The following DNAH6 variants were observed in gnomAD, a reference collection of about 807,000 sequenced individuals.
DNAH6 encodes the protein dynein axonemal heavy chain 6, also known as axonemal beta dynein heavy chain 6.
Under a neutral mutation model 491.4 loss-of-function variants are expected in DNAH6, and 340 were observed. The observed-to-expected ratio is 0.69, with a 90% CI of 0.63 to 0.76. DNAH6 has a LOEUF of 0.76. Ranked by LOEUF, DNAH6 falls within the 30% of genes least tolerant of loss-of-function variation. The pLI, the probability that DNAH6 is intolerant of heterozygous loss-of-function variation, is 0.00. For synonymous variants in DNAH6, 1,603 were observed against 1,686.1 expected (o/e 0.95, Z 1.21); for missense variants, 4,443 against 4,972.2 (o/e 0.89, Z 3.20).
At chr2:84,508,999 A>G in the DNAH6 span, among the ~76,000 whole-genome samples, 1 of 152,270 alleles carries the variant, frequency 6.6e-6, no homozygotes, top group South Asian at 2.1e-4. Context: ...TATGTGGTCA[A>G]TTTTGGAATA....
At chr2:84,713,302 C>A (rs757445851) in intron 57 of DNAH6, 43 bp downstream of exon 57, 64 of 1,532,034 alleles carry the variant, frequency 4.2e-5, no homozygotes, top group Middle Eastern at 3.4e-4. Context: ...ACTGGATTAT[C>A]ATGGTGTAAT....
chr2:84,483,542 A>T, the DNAH6 span, among the ~76,000 whole-genome samples: 2 of 152,092 alleles, frequency 1.3e-5, no homozygotes, highest in Non-Finnish European at 2.9e-5. Flanking sequence ...ATGGTGGGTT[A>T]TGTGCTCTCT....
In DNAH6 at chr2:84,779,781, AT is replaced by A. The variant is rs370672438; in HGVS notation, c.10704-1709del. On this transcript the variant is annotated intron_variant, in intron 64 of 76. Coordinates refer to ENST00000389394, the MANE Select transcript of DNAH6 (RefSeq NM_001370.2). ...TTGTGGTAGCAGGTATCACTCCTTC[AT>A]TTCCGTGTTTAGAGCTCTTTTATGA... is the stretch of plus-strand genomic sequence containing the variant. 1.1e-4 allele frequency among the ~76,000 whole-genome samples: 16 copies of A among 151,822 alleles called. 1 individual carries two copies. The highest frequency in any genetic ancestry group is 3.9e-4 in the African/African-American group (16 of 41,402).
At chr2:84,556,127 G>T (rs779635994) in intron 10 of DNAH6, among the ~76,000 whole-genome samples, 1 of 152,148 alleles carries the variant, frequency 6.6e-6, no homozygotes, top group Non-Finnish European at 1.5e-5. Flanking sequence ...GGAGAAAGGG[G>T]GTTGTGATAT....
chr2:84,533,609 T>G (rs999365632), intron 4 of DNAH6, among the ~76,000 whole-genome samples: 18 of 152,130 alleles, frequency 1.2e-4, no homozygotes, highest in Admixed American at 6.6e-5. Flanking sequence ...GGAAAATAAT[T>G]GATCATGTAT....
chr2:84,503,372 A>T, the DNAH6 span, among the ~76,000 whole-genome samples: 8 of 152,016 alleles, frequency 5.3e-5, no homozygotes, highest in Non-Finnish European at 1.0e-4. Context: ...TGCAGTTACT[A>T]TTTTTGTTAT....
chr2:84,641,631 G>A (rs11686736), intron 32 of DNAH6, among the ~76,000 whole-genome samples: 10,773 of 152,226 alleles, frequency 0.071, 419 homozygotes, highest in Middle Eastern at 0.15. Context: ...AGATATTCTG[G>A]GCAGGGAGAA....
chr2:84,466,084 C>G, the DNAH6 span, among the ~76,000 whole-genome samples: 1 of 152,184 alleles, frequency 6.6e-6, no homozygotes, highest in Non-Finnish European at 1.5e-5. Flanking sequence ...GTAAATTTCT[C>G]TCCTTTTGAG....
At chr2:84,706,854 T>C in intron 52 of DNAH6, 42 bp from the exon 53 acceptor site, 1 of 1,504,870 alleles carries the variant, frequency 6.6e-7, no homozygotes, top group Non-Finnish European at 8.8e-7. Flanking sequence ...AAATTCAGCC[T>C]TTTTTTGGCC....
intron 61 of DNAH6, among the ~76,000 whole-genome samples, chr2:84,730,071 G>T (rs1698998149): frequency 6.6e-6 from 1 of 151,908 alleles, no homozygotes; most frequent in Admixed American, 6.6e-5. Flanking sequence ...TCCAGGATGG[G>T]AGGAGAGAGA....
chr2:84,511,338 G>A, the DNAH6 span, among the ~76,000 whole-genome samples: 105 of 150,890 alleles, frequency 7.0e-4, no homozygotes, highest in Non-Finnish European at 7.2e-4. Flanking sequence ...TGCTAGCAAT[G>A]AGTGAGGCTC....
At chr2:84,759,096 GAA>G (rs1218258489) in intron 63 of DNAH6, among the ~76,000 whole-genome samples, 2 of 151,828 alleles carry the variant, frequency 1.3e-5, no homozygotes, top group African/African-American at 4.8e-5. Context: ...AATGAATTTA[GAA>G]AGTTGCAGAA....
intron 11 of DNAH6, among the ~76,000 whole-genome samples, chr2:84,565,965 T>C (rs1203670043): frequency 1.3e-5 from 2 of 152,046 alleles, no homozygotes; most frequent in Non-Finnish European, 2.9e-5. Flanking sequence ...TTCATCTCTT[T>C]ATTTTGAGCC....
intron 60 of DNAH6, among the ~76,000 whole-genome samples, chr2:84,723,186 C>T (rs975622668): frequency 3.3e-5 from 5 of 152,094 alleles, no homozygotes; most frequent in African/African-American, 4.8e-5. Context: ...CAAGATCGTG[C>T]CACTGCACTC....
chr2:84,704,001 G>T, intron 50 of DNAH6, 66 bp from the exon 51 acceptor site: 3 of 1,227,818 alleles, frequency 2.4e-6, no homozygotes, highest in Non-Finnish European at 3.4e-6. Flanking sequence ...CACTATTATT[G>T]GCTTTGTTTT....
At chr2:84,505,068 T>G in the DNAH6 span, among the ~76,000 whole-genome samples, 18 of 152,342 alleles carry the variant, frequency 1.2e-4, no homozygotes, top group Middle Eastern at 3.4e-3. Flanking sequence ...GAGTCTTGCA[T>G]GTCTTTGATT....
At chr2:84,625,115 C>T (rs1232245757) in intron 29 of DNAH6, 52 bp downstream of exon 29, 36 of 1,397,858 alleles carry the variant, frequency 2.6e-5, no homozygotes, top group Non-Finnish European at 3.3e-5. Context: ...GTGTCTTTCT[C>T]TATTTGCAAC....
At chr2:84,605,464 G>A in intron 19 of DNAH6, 36 bp from the exon 20 acceptor site, 3 of 1,425,358 alleles carry the variant, frequency 2.1e-6, no homozygotes, top group Non-Finnish European at 2.9e-6. Flanking sequence ...TAAACACACT[G>A]AATTTAGATA....
chr2:84,649,092 A>G (rs1336020548), intron 33 of DNAH6, among the ~76,000 whole-genome samples: 1 of 152,212 alleles, frequency 6.6e-6, no homozygotes, highest in Non-Finnish European at 1.5e-5. Flanking sequence ...AGCCTTTTTT[A>G]GCAATAAAGC....
Sources: gnomAD v4.1 joint callset for allele counts (sites outside exome capture counted in the v4.1 genomes callset) on GRCh38, gnomAD v4.1.1 for gene constraint, MANE v1.5 for transcripts, NCBI Gene and HGNC (gene_info 2026-07-23, HGNC 2026-07-21) for gene names.